ASXL1: variants seen among roughly 807,000 people sequenced by gnomAD.
The protein encoded by ASXL1 is polycomb group protein ASXL1.
Under a neutral mutation model 89.1 loss-of-function variants are expected in ASXL1, and 65 were observed. The ratio of observed to expected loss-of-function variants is 0.73; its 90% CI spans 0.60 to 0.90. The LOEUF is 0.90. Ranked by LOEUF, ASXL1 falls within the 40% of genes least tolerant of loss-of-function variation. The pLI is 0.00. For missense variants in ASXL1, 1,786 were observed against 1,942.9 expected (o/e 0.92, Z 1.52); for synonymous variants, 739 against 746.9 (o/e 0.99, Z 0.17).
intron 4 of ASXL1, among the ~76,000 whole-genome samples, chr20:32,420,211 G>A (rs942632815): frequency 6.6e-6 from 1 of 152,040 alleles, no homozygotes; most frequent in African/African-American, 2.4e-5. Context: ...CTAGTATACT[G>A]TTGAATGGTT....
intron 4 of ASXL1, among the ~76,000 whole-genome samples, chr20:32,390,951 A>G (rs990609599): frequency 6.6e-6 from 1 of 152,048 alleles, no homozygotes; most frequent in African/African-American, 2.4e-5. Context: ...GCTGAAGTGC[A>G]GCGGCACGAT....
chr20:32,388,733 G>C (rs2048621875), intron 4 of ASXL1, among the ~76,000 whole-genome samples: 1 of 152,020 alleles, frequency 6.6e-6, no homozygotes, highest in South Asian at 2.1e-4. Flanking sequence ...ATCAAAACAA[G>C]CTGTGCTGTT....
chr20:32,435,863 C>T lies in ASXL1; in HGVS notation c.3151C>T (p.Arg1051Cys), dbSNP rs768333722. Residue 1051 changes from arginine (R) to cysteine (C), a missense_variant, in exon 13 of 13, where the codon CGT becomes TGT. Arg to Cys is a radical substitution (Grantham distance 180). This residue lies in a region of ASXL1 where 1,418 missense variants were observed against 1,427.8 expected (regional missense o/e 0.99). Coordinates refer to ENST00000375687, the MANE Select transcript of ASXL1 (RefSeq NM_015338.6). ...ACTGTCCAAGGTGAATGGTGACATG[C>T]GTCTGGTTACAAGGACAGATGGGAT... Reference protein sequence around the residue: ...APLSKVNGDMRLVTRTDGMVA... With the variant: ...APLSKVNGDMCLVTRTDGMVA... 1.0e-4 allele frequency: 164 copies of T among 1,614,062 alleles called. No homozygotes were observed. The highest frequency in any genetic ancestry group is 1.6e-4 in the Middle Eastern group (1 of 6,084).
chr20:32,421,366 C>T (rs2049246136), intron 4 of ASXL1, among the ~76,000 whole-genome samples: 2 of 152,016 alleles, frequency 1.3e-5, no homozygotes, highest in African/African-American at 2.4e-5. Context: ...CCATTATACT[C>T]CCACTAGAAT....
rs1257658232 is a variant in ASXL1 at position 32,431,649 on chromosome 20, G to T, written c.949G>T (p.Ala317Ser). Residue 317 changes from alanine to serine, a missense_variant, in exon 10 of 13, where the codon GCT becomes TCT. Around this residue, in one of 3 missense-constraint regions of ASXL1, gnomAD observed 332 missense variants for 449.7 expected, o/e 0.74. Coordinates refer to ENST00000375687, the MANE Select transcript of ASXL1 (RefSeq NM_015338.6). The stretch of plus-strand genomic sequence containing the variant: ...AAATAACGAGTTTTTTACCCATGCG[G>T]CTCAGAGCTGGCGGGAGCGCCTGGC... The part of the protein sequence containing the change: ...ALNNEFFTHA[A>S]QSWRERLADG... 6.2e-7 allele frequency: 1 copy of T among 1,613,624 alleles called. No individual in the cohort carries two copies. Among genetic ancestry groups the T allele is most frequent in the Admixed American group, 1.7e-5 (1 of 60,034 alleles).
intron 3 of ASXL1, among the ~76,000 whole-genome samples, chr20:32,368,805 A>G (rs555157357): frequency 1.3e-4 from 20 of 152,364 alleles, no homozygotes; most frequent in East Asian, 3.8e-4. Context: ...CGGGTATCAC[A>G]TAATGTTTAT....
At chr20:32,403,120 A>G (rs114949287) in intron 4 of ASXL1, among the ~76,000 whole-genome samples, 2,111 of 152,298 alleles carry the variant, frequency 0.014, 54 homozygotes, top group African/African-American at 0.048. Context: ...TGGGGGACCA[A>G]TTATTCCAAA....
At position 32,433,581 on chromosome 20, in the gene ASXL1, G is replaced by A. The variant is rs370914837; in HGVS notation, c.1383G>A (p.Leu461=). Residue 461 remains leucine (L), a synonymous_variant, in exon 12 of 13, where the codon CTG becomes CTA. Coordinates refer to ENST00000375687, the MANE Select transcript of ASXL1 (RefSeq NM_015338.6). ...AGGCTAAGACTGACCCAGCAGGGCTGAGCAGTCCCCATCTGCCAGGCACAT... is the reference window on the plus strand; with the variant it reads ...AGGCTAAGACTGACCCAGCAGGGCTAAGCAGTCCCCATCTGCCAGGCACAT... ...DGEAKTDPAG[L]SSPHLPGTSS... 134 of 1,614,054 alleles carry A rather than the reference G, an allele frequency of 8.3e-5. No homozygotes were observed. The highest frequency in any genetic ancestry group is 1.1e-4 in the Non-Finnish European group (128 of 1,180,038).
In ASXL1 at chr20:32,433,845, T is replaced by TA. The variant is rs1419767455; in HGVS notation, c.1649dup (p.Asn550LysfsTer4). ...GGCTTGAAGATCGTCAGTCCTTTCGTAACACAATTGAAAGTGTTCACACCG... is the reference window on the plus strand; with the variant it reads ...GGCTTGAAGATCGTCAGTCCTTTCGTAAACACAATTGAAAGTGTTCACACCG... On this transcript the variant is annotated frameshift_variant, in exon 12 of 13. Coordinates refer to ENST00000375687, the MANE Select transcript of ASXL1 (RefSeq NM_015338.6). LOFTEE classifies it high-confidence loss of function. 1 of 1,613,924 alleles carries TA rather than the reference T, an allele frequency of 6.2e-7. No individual in the cohort carries two copies. Among genetic ancestry groups the TA allele is most frequent in the Non-Finnish European group, 8.5e-7 (1 of 1,180,038 alleles).
chr20:32,430,667 C>CA (rs2011488324), intron 8 of ASXL1: 1 of 222,802 alleles, frequency 4.5e-6, no homozygotes, highest in African/African-American at 2.3e-5. Context: ...ATTAAGAAGA[C>CA]AAGCTTTTGC....
chr20:32,406,233 G>T (rs1390783378), intron 4 of ASXL1, among the ~76,000 whole-genome samples: 1 of 152,016 alleles, frequency 6.6e-6, no homozygotes, highest in Non-Finnish European at 1.5e-5. Flanking sequence ...CTTTCCATAT[G>T]TATAAGTCCT....
In ASXL1 at chr20:32,428,510, C is replaced by A. The variant is rs1032461722; in HGVS notation, c.471+88C>A. On this transcript the variant is annotated intron_variant, in intron 6 of 12. Transcript: ENST00000375687. Reference sequence around the variant, plus strand: ...TCCTTCTCCTGTAGTGAGCTGTGAACATGTTCAGAGAGTGAAGAATAGAAG... The same window carrying A: ...TCCTTCTCCTGTAGTGAGCTGTGAAAATGTTCAGAGAGTGAAGAATAGAAG... 6 of 1,289,574 alleles carry A rather than the reference C, an allele frequency of 4.7e-6. No homozygotes were observed. In the East Asian group the frequency reaches 1.2e-4, roughly 25 times the overall value. The allele number at this position is 1,289,574 out of a possible 1,614,324, so 79.9% of individuals were successfully genotyped here. A position where few individuals can be genotyped will look rare whatever the true frequency, so the allele number is the denominator to read the frequency against.
intron 4 of ASXL1, among the ~76,000 whole-genome samples, chr20:32,394,072 G>T (rs549289100): frequency 6.8e-6 from 1 of 146,888 alleles, no homozygotes; most frequent in Non-Finnish European, 1.5e-5. Context: ...GCGCGATCTC[G>T]GCTCACTGCA....
At chr20:32,407,557 G>C (rs2048976886) in intron 4 of ASXL1, among the ~76,000 whole-genome samples, 1 of 152,048 alleles carries the variant, frequency 6.6e-6, no homozygotes, top group Non-Finnish European at 1.5e-5. Context: ...CAACTTCCTG[G>C]GCTCAAAGTG....
At chr20:32,428,465 C>G in intron 6 of ASXL1, 43 bp downstream of exon 6, 1 of 1,536,444 alleles carries the variant, frequency 6.5e-7, no homozygotes, top group Non-Finnish European at 9.0e-7. Flanking sequence ...TGAATGATGA[C>G]AGGTATAAGG....
At position 32,433,337 on chromosome 20, in the gene ASXL1, C is replaced by T. The variant is rs2011586997; in HGVS notation, c.1139C>T (p.Ala380Val). The T allele has an allele frequency of 6.2e-7, 1 of 1,614,008 alleles. No individual in the cohort carries two copies. Among genetic ancestry groups the T allele is most frequent in the South Asian group, 1.1e-5 (1 of 91,086 alleles). Residue 380 changes from alanine (A) to valine (V), a missense_variant, in exon 12 of 13, where the codon GCT becomes GTT. Physicochemically the swap from Ala to Val is moderately conservative, Grantham distance 64 (BLOSUM62 0). Transcript: ENST00000375687. ...SLQQNVGQEEAEIKSGLCVPG... is the reference protein window; with the variant it reads ...SLQQNVGQEEVEIKSGLCVPG... ...CAGCAGAACGTGGGCCAGGAGGAGG[C>T]TGAAATCAAAAGTGGCTTGTGTGTC...
rs574433979 is a variant in ASXL1, at chr20:32,431,645, T to C, written c.945T>C (p.His315=). Reference sequence around the variant, plus strand: ...CACTAAATAACGAGTTTTTTACCCATGCGGCTCAGAGCTGGCGGGAGCGCC... The same window carrying C: ...CACTAAATAACGAGTTTTTTACCCACGCGGCTCAGAGCTGGCGGGAGCGCC... ...SSALNNEFFT[H]AAQSWRERLA... is the part of the protein sequence containing the mutation. Residue 315 remains histidine, a synonymous_variant, in exon 10 of 13, where the codon CAT becomes CAC. Transcript: ENST00000375687. 6.2e-7 allele frequency: 1 copy of C among 1,613,814 alleles called. No homozygotes were observed. The highest frequency in any genetic ancestry group is 1.7e-5 in the Admixed American group (1 of 60,032).
intron 4 of ASXL1, among the ~76,000 whole-genome samples, chr20:32,399,572 T>C (rs2048833512): frequency 6.6e-6 from 1 of 151,400 alleles, no homozygotes; most frequent in Non-Finnish European, 1.5e-5. Flanking sequence ...TCAGGTACTC[T>C]TTATCCAAAC....
At chr20:32,376,742 A>G (rs1192270266) in intron 4 of ASXL1, among the ~76,000 whole-genome samples, 2 of 149,670 alleles carry the variant, frequency 1.3e-5, no homozygotes, top group Non-Finnish European at 3.0e-5. Context: ...TGGAAATCTC[A>G]TCTGGTGGGA....
Sources: allele counts gnomAD v4.1 joint callset (sites outside exome capture counted in the v4.1 genomes callset), GRCh38; gene constraint gnomAD v4.1.1; regional missense constraint gnomAD v4.1.1; transcripts MANE v1.5; gene names NCBI Gene and HGNC (gene_info 2026-07-23, HGNC 2026-07-21).